SKP1: variants seen among roughly 807,000 people sequenced by gnomAD.
The protein encoded by SKP1 is S-phase kinase associated protein 1, also known as S-phase kinase-associated protein 1.
Under a neutral mutation model 21.5 loss-of-function variants are expected in SKP1, and 1 was observed. The ratio of observed to expected loss-of-function variants is 0.05; its 90% CI spans 0.02 to 0.22. SKP1 has a LOEUF of 0.22. Among genes scored for constraint, SKP1 ranks in the 10% least tolerant of loss-of-function variants. SKP1 has a pLI of 1.00. For synonymous variants in SKP1, 59 were observed against 59.3 expected (o/e 0.99, Z 0.03); for missense variants, 70 against 192.0 (o/e 0.36, Z 3.76).
Position 134,151,839 on chromosome 5 carries a change from C to T in SKP1, c.*5894G>A. ...CATTATCAATGAATTAGCCATCTAT[C>T]ACTCAAACTATGTCCCGCATTGGAA... On this transcript the variant is annotated 3_prime_UTR_variant, in exon 6 of 6. Coordinates refer to ENST00000353411, the MANE Select transcript of SKP1 (RefSeq NM_170679.3). 1 of 350,210 alleles carries T rather than the reference C, an allele frequency of 2.9e-6. No homozygotes were observed. Among genetic ancestry groups the T allele is most frequent in the Non-Finnish European group, 5.9e-6 (1 of 169,544 alleles). The allele number at this position is 350,210 out of a possible 1,614,324, so 21.7% of individuals were successfully genotyped here.
At position 134,157,139 on chromosome 5, in the gene SKP1, TTAAAAC is replaced by T. The variant is rs988033112; in HGVS notation, c.*588_*593del. 6.6e-6 allele frequency: 1 copy of T among 152,588 alleles called. No individual in the cohort carries two copies. The highest frequency in any genetic ancestry group is 2.4e-5 in the African/African-American group (1 of 41,412). 9.5% of individuals were successfully genotyped at this position (152,588 alleles called of 1,614,324 possible). ...GTAACTGAGTCTCTAGGCAATATATTTAAAACTAAGAGGATTAAAAATAAAGAAAAA... is the reference window on the plus strand; with the variant it reads ...GTAACTGAGTCTCTAGGCAATATATTTAAGAGGATTAAAAATAAAGAAAAA... On this transcript the variant is annotated 3_prime_UTR_variant, in exon 6 of 6. Coordinates refer to ENST00000353411, the MANE Select transcript of SKP1 (RefSeq NM_170679.3).
In SKP1 at chr5:134,175,112, AAC is replaced by A. The variant is rs556709693; in HGVS notation, c.1-1092_1-1091del. ...CAAAAGTGTATCATTTGGCATTTAA[AAC>A]ATGCATCACACCCATTTTATGTTCA... On this transcript the variant is annotated intron_variant, in intron 1 of 5. Coordinates refer to ENST00000353411, the MANE Select transcript of SKP1 (RefSeq NM_170679.3). 2.0e-5 allele frequency: 3 copies of A among 152,350 alleles called. No individual in the cohort carries two copies. The South Asian group carries it at 6.2e-4, about 32-fold the overall frequency. The allele number at this position is 152,350 out of a possible 1,614,324, so 9.4% of individuals were successfully genotyped here.
intron 2 of SKP1, among the ~76,000 whole-genome samples, chr5:134,170,126 C>T (rs1231782752): frequency 2.0e-5 from 3 of 151,532 alleles, no homozygotes; most frequent in Admixed American, 1.3e-4. Context: ...CCCGAGATTG[C>T]GCCATTGCAC....
At chr5:134,161,661 A>C (rs1761223177) in intron 3 of SKP1, 1 of 152,288 alleles carries the variant, frequency 6.6e-6, no homozygotes, top group African/African-American at 2.4e-5. Context: ...AGAGAGTATA[A>C]ATTGGTATAA....
In SKP1 at chr5:134,157,833, T is replaced by C. The variant is rs144868019; in HGVS notation, c.457-65A>G. On this transcript the variant is annotated intron_variant, in intron 5 of 5. Transcript: ENST00000353411. ...AGTCTTTCCTAAGACTTATAAATAC[T>C]ACCTACTGATTCATCGATAGCCAGT... The C allele has an allele frequency of 5.6e-4, 904 of 1,612,398 alleles. 3 individuals are homozygous for C. The African/African-American group carries it at 7.6e-3, about 14-fold the overall frequency.
intron 3 of SKP1, 45 bp downstream of exon 3, chr5:134,167,125 G>A: frequency 1.1e-6 from 1 of 943,132 alleles, no homozygotes; most frequent in Non-Finnish European, 1.7e-6. Flanking sequence ...ATCAATTGGT[G>A]TTATATATTA....
intron 3 of SKP1, among the ~76,000 whole-genome samples, chr5:134,163,387 CAG>C (rs935560976): frequency 6.6e-6 from 1 of 151,284 alleles, no homozygotes; most frequent in Non-Finnish European, 1.5e-5. Context: ...AGTTTCCAAT[CAG>C]ATAAGAGACA....
chr5:134,173,849 T>TA (rs1761489819), intron 2 of SKP1, 77 bp downstream of exon 2: 4 of 837,598 alleles, frequency 4.8e-6, no homozygotes, highest in Non-Finnish European at 6.3e-6. Context: ...GACAGGCTGC[T>TA]GCTCATATAA....
intron 2 of SKP1, 52 bp from the exon 3 acceptor site, chr5:134,167,295 T>A: frequency 8.8e-7 from 1 of 1,132,902 alleles, no homozygotes. Context: ...ATAATACTTA[T>A]ACCAACCAGG....
At chr5:134,173,889 C>T in intron 2 of SKP1, 37 bp downstream of exon 2, 2 of 1,094,314 alleles carry the variant, frequency 1.8e-6, no homozygotes, top group Non-Finnish European at 2.8e-6. Flanking sequence ...TCTCAAATTA[C>T]ACATTTCCTC....
At chr5:134,166,713 G>T (rs1761339784) in intron 3 of SKP1, among the ~76,000 whole-genome samples, 1 of 151,960 alleles carries the variant, frequency 6.6e-6, no homozygotes, top group Non-Finnish European at 1.5e-5. Context: ...ACAGAAATGG[G>T]AACAAAGTGT....
At chr5:134,174,805 G>A (rs1451395270) in intron 1 of SKP1, 1 of 137,864 alleles carries the variant, frequency 7.3e-6, no homozygotes, top group Non-Finnish European at 1.5e-5. Context: ...CTTGAGTTCT[G>A]GCAAAAAAAA....
intron 2 of SKP1, among the ~76,000 whole-genome samples, chr5:134,172,710 C>T (rs1032144187): frequency 6.6e-6 from 1 of 151,934 alleles, no homozygotes; most frequent in African/African-American, 2.4e-5. Flanking sequence ...TAGGGAGATC[C>T]TGTCTCTATA....
At chr5:134,166,320 C>T (rs1761330194) in intron 3 of SKP1, among the ~76,000 whole-genome samples, 1 of 150,858 alleles carries the variant, frequency 6.6e-6, no homozygotes, top group Non-Finnish European at 1.5e-5. Flanking sequence ...CGGTGGCTCA[C>T]ACCTGTGATC....
Position 134,164,322 on chromosome 5 carries a change from GAAAAAAAAAAAA to G in SKP1, c.171+2836_171+2847del, listed in dbSNP as rs55637997. Among the ~76,000 whole-genome samples, 1,036 of 122,022 alleles carry G rather than the reference GAAAAAAAAAAAA, an allele frequency of 8.5e-3. 6 individuals are homozygous for G. Among genetic ancestry groups the G allele is most frequent in the African/African-American group, 0.017 (542 of 31,574 alleles). The allele number at this position is 122,022 out of a possible 152,430, so 80.1% of individuals were successfully genotyped here. A position where few individuals can be genotyped will look rare whatever the true frequency, so the allele number is the denominator to read the frequency against. On this transcript the variant is annotated intron_variant, in intron 3 of 5. Transcript: ENST00000353411. ...CAACAAGAGCAAAACTCCATCTCAA[GAAAAAAAAAAAA>G]AAAAAAAAAAAAAAAAAGATTATCT...
Position 134,154,061 on chromosome 5 carries a change from G to T in SKP1, c.*3672C>A, listed in dbSNP as rs1761083610. ...TTTGTGAATCTCTGAGAAAATATAA[G>T]AACTGTAAAGCAGTATCTATTTTGT... On this transcript the variant is annotated 3_prime_UTR_variant, in exon 6 of 6. Coordinates refer to ENST00000353411, the MANE Select transcript of SKP1 (RefSeq NM_170679.3). 6.6e-6 allele frequency: 1 copy of T among 152,112 alleles called. No homozygotes were observed. Among genetic ancestry groups the T allele is most frequent in the Admixed American group, 6.5e-5 (1 of 15,270 alleles). The allele number at this position is 152,112 out of a possible 1,614,324, so 9.4% of individuals were successfully genotyped here. A position where few individuals can be genotyped will look rare whatever the true frequency, so the allele number is the denominator to read the frequency against.
chr5:134,151,145 C>T lies in SKP1; in HGVS notation c.*6588G>A, dbSNP rs1761037016. ...ATGCGGGAGATAGTCCAGGCCAATA[C>T]TTCTTTCATATTCACCAGGGGCTCT... On this transcript the variant is annotated 3_prime_UTR_variant, in exon 6 of 6. Transcript: ENST00000353411. The T allele has an allele frequency of 6.6e-6, 1 of 152,324 alleles. No homozygotes were observed. Among genetic ancestry groups the T allele is most frequent in the Non-Finnish European group, 1.5e-5 (1 of 68,174 alleles). The allele number at this position is 152,324 out of a possible 1,614,324, so 9.4% of individuals were successfully genotyped here. A position where few individuals can be genotyped will look rare whatever the true frequency, so the allele number is the denominator to read the frequency against.
intron 2 of SKP1, chr5:134,170,889 C>G (rs556683051): frequency 2.5e-6 from 1 of 401,640 alleles, no homozygotes; most frequent in Non-Finnish European, 4.9e-6. Flanking sequence ...AATGCCAAAG[C>G]AAGTATTTAG....
intron 2 of SKP1, among the ~76,000 whole-genome samples, chr5:134,169,983 A>G (rs1761409458): frequency 7.0e-6 from 1 of 143,402 alleles, no homozygotes; most frequent in African/African-American, 2.6e-5. Context: ...CCTGGGTGAC[A>G]GAGTGAGACT....
Sources: allele counts gnomAD v4.1 joint callset (sites outside exome capture counted in the v4.1 genomes callset), GRCh38; gene constraint gnomAD v4.1.1; transcripts MANE v1.5; gene names NCBI Gene and HGNC (gene_info 2026-07-23, HGNC 2026-07-21).